DHRS4L2: variants seen among roughly 807,000 people sequenced by gnomAD.
DHRS4L2 encodes dehydrogenase/reductase SDR family member 4-like 2.
A neutral mutation model predicts 23.9 loss-of-function variants in DHRS4L2; 22 were observed. The ratio of observed to expected loss-of-function variants is 0.92; its 90% CI spans 0.66 to 1.31. The LOEUF (loss-of-function observed/expected upper bound fraction) is 1.31. Ranked by LOEUF, DHRS4L2 falls within the 40% of genes most tolerant of loss-of-function variation. DHRS4L2 has a pLI of 0.00. For synonymous variants in DHRS4L2, 141 were observed against 123.7 expected (o/e 1.14, Z -0.93); for missense variants, 385 against 303.3 (o/e 1.27, Z -2.00).
upstream of DHRS4L2, chr14:23,987,326 T>G (rs58058506): frequency 0.15 from 38,328 of 260,004 alleles, 3,892 homozygotes; most frequent in East Asian, 0.45. Flanking sequence ...GGGACGAGTT[T>G]CACCGTGTTA....
chr14:23,996,256 G>T (rs1275378715), intron 3 of DHRS4L2, among the ~76,000 whole-genome samples: 2 of 151,460 alleles, frequency 1.3e-5, no homozygotes, highest in Non-Finnish European at 2.9e-5. Flanking sequence ...TTTCAACATG[G>T]GACTTAGAGG....
chr14:23,973,543 G>A (rs1369230209), intron 1 of DHRS4L2, among the ~76,000 whole-genome samples: 1 of 151,826 alleles, frequency 6.6e-6, no homozygotes, highest in Non-Finnish European at 1.5e-5. Context: ...ACCTCTCAAA[G>A]GGATGGAGGA....
chr14:23,987,615 T>C (rs112492806), upstream of DHRS4L2, among the ~76,000 whole-genome samples: 1 of 147,826 alleles, frequency 6.8e-6, no homozygotes, highest in Non-Finnish European at 1.5e-5. Context: ...AACACATCTC[T>C]AAACCTACCC....
rs1236643886 is a variant in DHRS4L2 at position 23,995,022 on chromosome 14, C to A, written c.307-10C>A. 16 of 1,612,702 alleles carry A rather than the reference C, an allele frequency of 9.9e-6. No homozygotes were observed. Among genetic ancestry groups the A allele is most frequent in the Non-Finnish European group, 1.4e-5 (16 of 1,179,294 alleles). ...TGCAGCCCTGGTCCAGACCTTACCC[C>A]TCTCTCTAGGCTGTGAAGCTTCATG... is the stretch of plus-strand genomic sequence containing the variant. On this transcript the variant is annotated splice_polypyrimidine_tract_variant and intron_variant, in intron 2 of 7. Transcript: ENST00000335125.
rs780834151 is a variant in DHRS4L2, at chr14:23,977,446, C to G, written c.-176+7114C>G. The stretch of plus-strand genomic sequence containing the variant: ...AGTGTGTTACCATTTTATCACTGAG[C>G]TTAAGCCACCACCAAAGTTTAAGCC... On this transcript the variant is annotated intron_variant, in intron 1 of 5. Transcript: ENST00000534993. Among the ~76,000 whole-genome samples the G allele has an allele frequency of 2.0e-5, 3 of 151,628 alleles. 1 individual carries two copies. The highest frequency in any genetic ancestry group is 4.4e-5 in the Non-Finnish European group (3 of 67,954).
chr14:23,977,043 T>G (rs201169122), intron 1 of DHRS4L2, among the ~76,000 whole-genome samples: 1 of 151,740 alleles, frequency 6.6e-6, no homozygotes, highest in Non-Finnish European at 1.5e-5. Context: ...ACCTGATACA[T>G]GTATACCTAT....
At chr14:23,996,699 G>A (rs982174654) in intron 3 of DHRS4L2, among the ~76,000 whole-genome samples, 1 of 144,848 alleles carries the variant, frequency 6.9e-6, no homozygotes, top group African/African-American at 2.6e-5. Context: ...AGAGGGCTGT[G>A]GTGTGATCTC....
chr14:23,971,744 T>G (rs889680145), intron 1 of DHRS4L2, among the ~76,000 whole-genome samples: 27 of 152,216 alleles, frequency 1.8e-4, no homozygotes, highest in Non-Finnish European at 3.5e-4. Flanking sequence ...CGTATGTGAA[T>G]GAGAAATAAA....
upstream of DHRS4L2, chr14:23,988,789 G>A (rs2034200008): frequency 7.1e-7 from 1 of 1,402,892 alleles, no homozygotes; most frequent in South Asian, 1.6e-5. Context: ...CGGGGCGACT[G>A]GCGGGCGGCG....
chr14:23,970,141 G>A (rs1187290317), exon 1 of DHRS4L2: 3 of 455,898 alleles, frequency 6.6e-6, no homozygotes, highest in Non-Finnish European at 1.3e-5. Context: ...TGTAAGGTAC[G>A]GGACTGCCTC....
chr14:23,987,330 C>T (rs1393844893), upstream of DHRS4L2: 3 of 252,548 alleles, frequency 1.2e-5, no homozygotes, highest in South Asian at 3.2e-5. Flanking sequence ...CGAGTTTCAC[C>T]GTGTTAGCCA....
intron 1 of DHRS4L2, among the ~76,000 whole-genome samples, chr14:23,982,679 A>C (rs1038392097): frequency 1.3e-5 from 2 of 151,312 alleles, no homozygotes; most frequent in African/African-American, 2.4e-5. Context: ...TTTTTGACAA[A>C]CCTGACAAAA....
At chr14:23,992,588 T>C (rs2034292233) in intron 2 of DHRS4L2, among the ~76,000 whole-genome samples, 1 of 151,282 alleles carries the variant, frequency 6.6e-6, no homozygotes, top group South Asian at 2.1e-4. Context: ...TTGATTATAT[T>C]TTTTCTTAAA....
At chr14:23,973,081 G>A (rs1436342999) in intron 1 of DHRS4L2, among the ~76,000 whole-genome samples, 1 of 151,904 alleles carries the variant, frequency 6.6e-6, no homozygotes, top group African/African-American at 2.4e-5. Flanking sequence ...GCAGGAGACA[G>A]TGGCCTTCCT....
intron 2 of DHRS4L2, among the ~76,000 whole-genome samples, chr14:23,991,737 CT>C (rs56024121): frequency 0.013 from 1,828 of 139,824 alleles, 34 homozygotes; most frequent in African/African-American, 0.027. Context: ...GCCTCCATAT[CT>C]TTTTTTTTTT....
chr14:23,989,269 C>T (rs1272148719), intron 1 of DHRS4L2, among the ~76,000 whole-genome samples, 194 bp downstream of exon 1: 1 of 151,666 alleles, frequency 6.6e-6, no homozygotes, highest in African/African-American at 2.4e-5. Context: ...CCCTTCTGTC[C>T]CTGCTGCCTC....
At chr14:23,975,050 C>A (rs910728567) in intron 1 of DHRS4L2, among the ~76,000 whole-genome samples, 3 of 151,780 alleles carry the variant, frequency 2.0e-5, no homozygotes, top group Admixed American at 2.0e-4. Context: ...TCTCTCACCA[C>A]TCTTATTCAA....
chr14:23,982,637 A>G (rs1229255688), intron 1 of DHRS4L2, among the ~76,000 whole-genome samples: 1 of 151,630 alleles, frequency 6.6e-6, no homozygotes. Context: ...CAGAGGCTGC[A>G]TAAATAACAC....
chr14:23,985,802 C>A (rs1171202543), upstream of DHRS4L2, among the ~76,000 whole-genome samples: 1 of 151,500 alleles, frequency 6.6e-6, no homozygotes, highest in Non-Finnish European at 1.5e-5. Flanking sequence ...GCAACCTCTG[C>A]CTCCCAGGTT....
Sources: gnomAD v4.1 joint callset for allele counts (sites outside exome capture counted in the v4.1 genomes callset) on GRCh38, gnomAD v4.1.1 for gene constraint, MANE v1.5 for transcripts, NCBI Gene and HGNC (gene_info 2026-07-23, HGNC 2026-07-21) for gene names.